The following PI4KA variants were observed in gnomAD, a reference collection of about 807,000 sequenced individuals.
The protein encoded by PI4KA is PI4-kinase alpha.
A neutral mutation model predicts 271.4 loss-of-function variants in PI4KA; 122 were observed. That is an observed-to-expected ratio of 0.45 (90% confidence interval 0.39 to 0.52). PI4KA has a LOEUF of 0.52. PI4KA is among the 20% of genes least tolerant of loss of function. The pLI is 0.00. For synonymous variants in PI4KA, 1,041 were observed against 1,078.8 expected (o/e 0.96, Z 0.69); for missense variants, 1,969 against 2,769.1 (o/e 0.71, Z 6.48).
At chr22:20,752,698 C>A (rs1930837669) in intron 25 of PI4KA, among the ~76,000 whole-genome samples, 1 of 152,144 alleles carries the variant, frequency 6.6e-6, no homozygotes, top group African/African-American at 2.4e-5. Context: ...ATCGATAGCT[C>A]AGAATGAACA....
intron 19 of PI4KA, among the ~76,000 whole-genome samples, chr22:20,772,012 T>C (rs1402952139): frequency 1.3e-5 from 2 of 152,264 alleles, no homozygotes; most frequent in African/African-American, 4.8e-5. Flanking sequence ...TGTAATACCA[T>C]GAAATGATGA....
chr22:20,747,737 TTATC>T, intron 28 of PI4KA, 35 bp from the exon 29 acceptor site: 1 of 1,600,988 alleles, frequency 6.2e-7, no homozygotes, highest in Middle Eastern at 1.7e-4. Flanking sequence ...TTTCAGTTAT[TTATC>T]TGATTTTTTT....
intron 30 of PI4KA, among the ~76,000 whole-genome samples, chr22:20,743,551 G>C (rs1003138433): frequency 6.6e-6 from 1 of 152,008 alleles, no homozygotes; most frequent in African/African-American, 2.4e-5. Flanking sequence ...GAACTCCTGG[G>C]CTCAGGTGAT....
chr22:20,741,038 CCTTGT>C (rs1158202006), intron 32 of PI4KA, among the ~76,000 whole-genome samples: 3 of 152,150 alleles, frequency 2.0e-5, no homozygotes, highest in African/African-American at 4.8e-5. Flanking sequence ...TGTAACAAAG[CCTTGT>C]CTTAATTTCT....
chr22:20,715,537 C>T lies in PI4KA; in HGVS notation c.5318-837G>A, dbSNP rs590752. Among the ~76,000 whole-genome samples the T allele has an allele frequency of 8.9e-3, 1,355 of 152,056 alleles. 24 individuals carry two copies. The highest frequency in any genetic ancestry group is 0.03 in the African/African-American group (1,226 of 41,452). On this transcript the variant is annotated intron_variant, in intron 45 of 54. Transcript: ENST00000255882. ...TCGCCCAGGCTGGAGTGCAGTGGCT[C>T]GGTCTCAGCTCACTGCAACCTACGC... is the stretch of plus-strand genomic sequence containing the variant.
rs184470684 is a variant in PI4KA at position 20,725,322 on chromosome 22, C to T, written c.4995+1166G>A. 1.1e-4 allele frequency: 21 copies of T among 195,720 alleles called. No individual in the cohort carries two copies. In the East Asian group the frequency reaches 2.8e-3, roughly 26 times the overall value. 12.1% of individuals were successfully genotyped at this position (195,720 alleles called of 1,614,324 possible). On this transcript the variant is annotated intron_variant, in intron 42 of 54. Transcript: ENST00000255882. ...GGCGGCTCGGGCTCCTGGCTGTGGT[C>T]ATTCCCATGGATATTTTCTGTGCCA...
rs758765642 is a variant in PI4KA, at chr22:20,761,403, T to G, written c.2709-17A>C. On this transcript the variant is annotated splice_polypyrimidine_tract_variant and intron_variant, in intron 22 of 54. Transcript: ENST00000255882. ...CGCAGTACCCTAAGAAGAAAACAGC[T>G]TTAAATAAATTTTGAAAAATCTGGG... The G allele has an allele frequency of 6.4e-7, 1 of 1,571,386 alleles. No homozygotes were observed. The highest frequency in any genetic ancestry group is 8.8e-7 in the Non-Finnish European group (1 of 1,141,446).
chr22:20,846,992 A>G (rs1926350896), intron 1 of PI4KA, among the ~76,000 whole-genome samples: 1 of 151,772 alleles, frequency 6.6e-6, no homozygotes, highest in African/African-American at 2.4e-5. Flanking sequence ...CTAAAAATAC[A>G]AAAAAATTAG....
intron 32 of PI4KA, 39 bp downstream of exon 32, chr22:20,742,189 C>A: frequency 6.2e-7 from 1 of 1,604,234 alleles, no homozygotes. Flanking sequence ...TCTGTTATCC[C>A]ATCCCATCCT....
chr22:20,848,048 G>A (rs1360978788), intron 1 of PI4KA, among the ~76,000 whole-genome samples: 2 of 151,972 alleles, frequency 1.3e-5, no homozygotes, highest in African/African-American at 4.8e-5. Context: ...GACCAGCCTG[G>A]CCAACATGGC....
intron 23 of PI4KA, among the ~76,000 whole-genome samples, chr22:20,755,907 A>G (rs1452244321): frequency 3.3e-5 from 5 of 152,098 alleles, no homozygotes; most frequent in African/African-American, 1.2e-4. Flanking sequence ...ACACTCCATA[A>G]TGCTGTTTCT....
intron 29 of PI4KA, among the ~76,000 whole-genome samples, chr22:20,746,058 A>AAAAT (rs1272827051): frequency 1.9e-5 from 2 of 107,322 alleles, no homozygotes; most frequent in South Asian, 2.8e-4. Context: ...AAAAAAAAAA[A>AAAAT]GAATTTTTTT....
chr22:20,803,420 C>A, intron 12 of PI4KA, 100 bp from the exon 13 acceptor site: 1 of 1,459,484 alleles, frequency 6.9e-7, no homozygotes, highest in Admixed American at 1.8e-5. Context: ...CCAAGTCTGA[C>A]CCAAAACTTC....
intron 19 of PI4KA, chr22:20,786,287 G>T: frequency 1.0e-6 from 1 of 957,560 alleles, no homozygotes; most frequent in Non-Finnish European, 1.6e-6. Context: ...GCCTGGGTGG[G>T]ATACACAGAA....
At position 20,804,956 on chromosome 22, in the gene PI4KA, C is replaced by A. The variant is rs1935553154; in HGVS notation, c.1360+18G>T. 2 of 1,593,088 alleles carry A rather than the reference C, an allele frequency of 1.3e-6. No individual in the cohort carries two copies. The highest frequency in any genetic ancestry group is 2.3e-5 in the South Asian group (2 of 88,628). ...TCATGCCTGGAGCTCACATGAGAGG[C>A]AAGGCAGTCTGTCTCACCCTGCTCG... On this transcript the variant is annotated intron_variant, in intron 11 of 54. Coordinates refer to ENST00000255882, the MANE Select transcript of PI4KA (RefSeq NM_058004.4).
intron 23 of PI4KA, among the ~76,000 whole-genome samples, chr22:20,756,418 C>T (rs1024036194): frequency 6.6e-6 from 1 of 152,034 alleles, no homozygotes; most frequent in Non-Finnish European, 1.5e-5. Context: ...TGGGGTTTCT[C>T]CGTGTTGGTC....
At chr22:20,780,196 T>A in intron 19 of PI4KA, 1 of 1,614,226 alleles carries the variant, frequency 6.2e-7, no homozygotes, top group Non-Finnish European at 8.5e-7. Flanking sequence ...TGCATCTACT[T>A]CAAAGGTAAG....
chr22:20,832,475 A>G (rs1275976233), intron 3 of PI4KA, among the ~76,000 whole-genome samples: 2 of 151,144 alleles, frequency 1.3e-5, no homozygotes, highest in African/African-American at 2.4e-5. Context: ...TCTTTTTGAG[A>G]CGGAGTCTCA....
intron 35 of PI4KA, 93 bp from the exon 36 acceptor site, chr22:20,733,191 T>C: frequency 1.4e-6 from 2 of 1,433,274 alleles, no homozygotes; most frequent in South Asian, 2.3e-5. Flanking sequence ...ATGCAGACAG[T>C]TTCTTAATGA....
Sources: allele counts gnomAD v4.1 joint callset (sites outside exome capture counted in the v4.1 genomes callset), GRCh38; gene constraint gnomAD v4.1.1; transcripts MANE v1.5; gene names NCBI Gene and HGNC (gene_info 2026-07-23, HGNC 2026-07-21).